Variants in ELAVL4 observed in about 807,000 individuals in gnomAD.
ELAVL4 encodes ELAV like RNA binding protein 4.
ELAVL4 carries 1 observed loss-of-function variant against 35.6 expected under a neutral mutation model. The ratio of observed to expected loss-of-function variants is 0.03; its 90% CI spans 0.01 to 0.13. The LOEUF is 0.13. Among genes scored for constraint, ELAVL4 ranks in the 10% least tolerant of loss-of-function variants. The probability of loss-of-function intolerance (pLI) is 1.00; values close to 1 mark genes in which losing one functional copy is unlikely to be tolerated. For missense variants in ELAVL4, 267 were observed against 464.9 expected (o/e 0.57, Z 3.91); for synonymous variants, 156 against 171.0 (o/e 0.91, Z 0.69).
At chr1:50,166,395 A>T (rs920148834) in intron 2 of ELAVL4, among the ~76,000 whole-genome samples, 3 of 152,234 alleles carry the variant, frequency 2.0e-5, no homozygotes, top group Non-Finnish European at 4.4e-5. Context: ...TGCTGATATG[A>T]AGTCAATAAA....
intron 2 of ELAVL4, among the ~76,000 whole-genome samples, chr1:50,170,161 G>T (rs77561490): frequency 6.6e-6 from 1 of 152,196 alleles, no homozygotes; most frequent in East Asian, 1.9e-4. Context: ...ACAGTATCTT[G>T]TGGGGCATGA....
intron 2 of ELAVL4, among the ~76,000 whole-genome samples, chr1:50,152,019 A>T (rs1674880210): frequency 6.6e-6 from 1 of 150,392 alleles, no homozygotes; most frequent in South Asian, 2.1e-4. Context: ...ATCAGGGGGA[A>T]TCAGAGACTT....
chr1:50,121,390 G>A (rs921747477), intron 1 of ELAVL4, among the ~76,000 whole-genome samples: 14 of 151,860 alleles, frequency 9.2e-5, no homozygotes, highest in African/African-American at 3.4e-4. Context: ...ATTGGGTCTC[G>A]ACCGGCATTA....
intron 5 of ELAVL4, among the ~76,000 whole-genome samples, chr1:50,196,874 T>C (rs937193691): frequency 6.6e-6 from 1 of 152,326 alleles, no homozygotes; most frequent in Admixed American, 6.5e-5. Context: ...TAATGGCAGT[T>C]TGCTGGGAGG....
At chr1:50,169,359 C>T (rs957370676) in intron 2 of ELAVL4, among the ~76,000 whole-genome samples, 1 of 152,166 alleles carries the variant, frequency 6.6e-6, no homozygotes, top group African/African-American at 2.4e-5. Context: ...TCAGTCTAAT[C>T]AAGTTGACGC....
At chr1:50,120,907 A>C (rs896513235) in intron 1 of ELAVL4, among the ~76,000 whole-genome samples, 4 of 152,008 alleles carry the variant, frequency 2.6e-5, no homozygotes, top group African/African-American at 9.7e-5. Context: ...TGAGTGGGGA[A>C]TATGCTTATT....
intron 5 of ELAVL4, among the ~76,000 whole-genome samples, chr1:50,196,977 A>C (rs1360681771): frequency 6.6e-6 from 1 of 152,242 alleles, no homozygotes; most frequent in African/African-American, 2.4e-5. Context: ...AAGATGATTT[A>C]GTTAATGTAG....
chr1:50,096,289 G>A (rs1348244950), intron 1 of ELAVL4, among the ~76,000 whole-genome samples: 1 of 151,346 alleles, frequency 6.6e-6, no homozygotes, highest in Non-Finnish European at 1.5e-5. Context: ...GTTCTGTGGA[G>A]TCAGAAAGAA....
chr1:50,138,845 G>T (rs1326219036), intron 1 of ELAVL4, among the ~76,000 whole-genome samples: 1 of 152,084 alleles, frequency 6.6e-6, no homozygotes, highest in Non-Finnish European at 1.5e-5. Flanking sequence ...GGAAAGTAGG[G>T]GAATGAGGAG....
chr1:50,099,276 A>G (rs543346636), upstream of ELAVL4, among the ~76,000 whole-genome samples: 2 of 152,246 alleles, frequency 1.3e-5, no homozygotes, highest in East Asian at 3.9e-4. Flanking sequence ...GTAACAATGA[A>G]CTGGCTGGGT....
At chr1:50,130,771 T>C (rs1670718954) in intron 1 of ELAVL4, among the ~76,000 whole-genome samples, 1 of 152,160 alleles carries the variant, frequency 6.6e-6, no homozygotes, top group Non-Finnish European at 1.5e-5. Context: ...TCGAAGGAAC[T>C]CATTAATGTT....
chr1:50,081,127 G>T (rs2148496081), intron 1 of ELAVL4, among the ~76,000 whole-genome samples: 1 of 152,278 alleles, frequency 6.6e-6, no homozygotes, highest in African/African-American at 2.4e-5. Context: ...ATAGCCCAAA[G>T]ATGGCAAGTC....
chr1:50,161,148 T>A (rs1676738057), intron 2 of ELAVL4, among the ~76,000 whole-genome samples: 1 of 152,222 alleles, frequency 6.6e-6, no homozygotes, highest in South Asian at 2.1e-4. Flanking sequence ...GTCTTGTCTA[T>A]CTGACACCCA....
In ELAVL4 at chr1:50,201,011, G is replaced by A. The variant is rs2148899377; in HGVS notation, c.934G>A (p.Val312Ile). 4 of 1,614,054 alleles carry A rather than the reference G, an allele frequency of 2.5e-6. No individual in the cohort carries two copies. The highest frequency in any genetic ancestry group is 3.4e-6 in the Non-Finnish European group (4 of 1,179,984). ...TGGCCCCTTTGGAGCAGTGAACAAC[G>A]TAAAGGTGATTCGTGACTTCAACAC... is the stretch of plus-strand genomic sequence containing the variant. ...LFGPFGAVNNVKVIRDFNTNK... is the reference protein window; with the variant it reads ...LFGPFGAVNNIKVIRDFNTNK... The change falls in exon 7 of 7, where the codon GTA becomes ATA. Residue 312 changes from valine (V) to isoleucine (I), a missense_variant. By Grantham distance (29) the Val-to-Ile change is conservative (BLOSUM62 3). Around this residue, in one of 2 missense-constraint regions of ELAVL4, gnomAD observed 216 missense variants for 409.5 expected, o/e 0.53. Transcript: ENST00000371824. This position sits in a 1 kb window ranked among gnomAD's most constrained non-coding sequence, Gnocchi z 4.3.
At chr1:50,178,797 G>A (rs1347128866) in intron 3 of ELAVL4, among the ~76,000 whole-genome samples, 5 of 152,142 alleles carry the variant, frequency 3.3e-5, no homozygotes, top group Admixed American at 6.5e-5. Flanking sequence ...TTGTAGGTTT[G>A]ATTGATTTTC....
chr1:50,074,649 T>C (rs1305302025), intron 1 of ELAVL4, among the ~76,000 whole-genome samples: 1 of 152,166 alleles, frequency 6.6e-6, no homozygotes, highest in East Asian at 1.9e-4. Flanking sequence ...TGTGGGAGTT[T>C]ATGCACAGTG....
chr1:50,059,681 A>G (rs1663859658), intron 1 of ELAVL4, among the ~76,000 whole-genome samples: 1 of 152,240 alleles, frequency 6.6e-6, no homozygotes, highest in South Asian at 2.1e-4. Context: ...GGCATTATTC[A>G]TAAATGGCCA....
chr1:50,182,341 C>T (rs1214687735), intron 3 of ELAVL4, among the ~76,000 whole-genome samples: 3 of 152,220 alleles, frequency 2.0e-5, no homozygotes, highest in African/African-American at 7.2e-5. Flanking sequence ...GGTTTGGTAT[C>T]ACACCCACTA....
intron 1 of ELAVL4, among the ~76,000 whole-genome samples, chr1:50,093,714 A>G (rs1665592543): frequency 6.6e-6 from 1 of 152,206 alleles, no homozygotes; most frequent in African/African-American, 2.4e-5. Flanking sequence ...TACTTAGCAG[A>G]TATTTATTGA....
Sources: allele counts gnomAD v4.1 joint callset (sites outside exome capture counted in the v4.1 genomes callset), GRCh38; gene constraint gnomAD v4.1.1; regional missense constraint gnomAD v4.1.1; non-coding constraint Gnocchi (gnomAD v3.1); transcripts MANE v1.5; gene names NCBI Gene and HGNC (gene_info 2026-07-23, HGNC 2026-07-21).